Variants in ADAM32 observed in about 807,000 individuals in gnomAD.
The protein encoded by ADAM32 is disintegrin and metalloproteinase domain-containing protein 32.
A neutral mutation model predicts 114.9 loss-of-function variants in ADAM32; 89 were observed. That is an observed-to-expected ratio of 0.77 (90% CI 0.65 to 0.92). The LOEUF is 0.92. Ranked by LOEUF, ADAM32 falls within the 40% of genes least tolerant of loss-of-function variation. The pLI is 0.00. For missense variants in ADAM32, 870 were observed against 932.8 expected, an observed-to-expected ratio of 0.93 and a Z score of 0.88; for synonymous variants, 285 against 307.5, an observed-to-expected ratio of 0.93 and a Z score of 0.77.
intron 13 of ADAM32, among the ~76,000 whole-genome samples, chr8:39,222,546 G>T (rs990701554): frequency 2.6e-5 from 4 of 152,056 alleles, no homozygotes; most frequent in Admixed American, 2.6e-4. Flanking sequence ...GATTCTAGTT[G>T]TGTTCCTTCC....
At chr8:39,272,101 G>GAAAAAAAAAAAAAAAAAAAAAAAAAAA (rs11366445) in intron 20 of ADAM32, among the ~76,000 whole-genome samples, 3 of 65,810 alleles carry the variant, frequency 4.6e-5, no homozygotes, top group African/African-American at 6.0e-5. Context: ...GTGAGCTCCA[G>GAAAAAAAAAAAAAAAAAAAAAAAAAAA]AAAAAAAAAA....
Position 39,121,321 on chromosome 8 carries a change from G to A in ADAM32, c.138+3156G>A, listed in dbSNP as rs576139481. 2.1e-4 allele frequency among the ~76,000 whole-genome samples: 32 copies of A among 152,264 alleles called. No homozygotes were observed. In the South Asian group the frequency reaches 3.5e-3, roughly 17 times the overall value. ...CTTCTGGGATTCTACAGGATAGGAC[G>A]ATAGAGTTGTCTGGCTTCAAACATG... On this transcript the variant is annotated intron_variant, in intron 2 of 24. Coordinates refer to ENST00000379907, the MANE Select transcript of ADAM32 (RefSeq NM_145004.7).
chr8:39,127,256 CT>C (rs1802172722), intron 2 of ADAM32, among the ~76,000 whole-genome samples: 1 of 152,064 alleles, frequency 6.6e-6, no homozygotes, highest in Non-Finnish European at 1.5e-5. Flanking sequence ...ACCAGCTTTT[CT>C]TTGTCTTCTT....
chr8:39,235,980 A>G (rs1392865702), intron 16 of ADAM32, among the ~76,000 whole-genome samples: 4 of 152,220 alleles, frequency 2.6e-5, no homozygotes, highest in Non-Finnish European at 5.9e-5. Context: ...ACAAGCTCTA[A>G]TGTTACTTGC....
At chr8:39,176,857 A>C (rs1000572662) in intron 10 of ADAM32, among the ~76,000 whole-genome samples, 1 of 152,110 alleles carries the variant, frequency 6.6e-6, no homozygotes, top group East Asian at 1.9e-4. Context: ...CTGCTTTATG[A>C]ATCTGGGTAC....
chr8:39,249,929 G>A (rs759833195), intron 17 of ADAM32, among the ~76,000 whole-genome samples: 2 of 152,096 alleles, frequency 1.3e-5, no homozygotes, highest in African/African-American at 2.4e-5. Flanking sequence ...GGTTGCTGAA[G>A]AGAAGTCCAG....
At chr8:39,283,771 CT>C (rs373085019) in intron 24 of ADAM32, 147 bp downstream of exon 24, 20,898 of 240,308 alleles carry the variant, frequency 0.087, 81 homozygotes, top group East Asian at 0.14. Context: ...TTCTTTTATT[CT>C]TTTTTTTTTT....
In ADAM32 at chr8:39,157,655, T is replaced by A. The variant is rs956671286; in HGVS notation, c.526-3242T>A. ...AAAGGTAGTGTCAATGAACTTAAGG[T>A]CAGTCTTCTCCAGAGCCTGCTGCTT... On this transcript the variant is annotated intron_variant, in intron 6 of 24. Transcript: ENST00000379907. The A allele has an allele frequency of 4.4e-6, 3 of 674,196 alleles. No homozygotes were observed. In the African/African-American group the frequency reaches 5.4e-5, roughly 12 times the overall value. 41.8% of individuals were successfully genotyped at this position (674,196 alleles called of 1,614,324 possible). A position where few individuals can be genotyped will look rare whatever the true frequency, so the allele number is the denominator to read the frequency against.
At chr8:39,243,891 A>T (rs1302657676) in intron 16 of ADAM32, among the ~76,000 whole-genome samples, 1 of 152,102 alleles carries the variant, frequency 6.6e-6, no homozygotes, top group Non-Finnish European at 1.5e-5. Flanking sequence ...AACCCTAAAG[A>T]CTCATCAAAA....
In ADAM32 at chr8:39,223,057, T is replaced by C. The variant is rs771436773; in HGVS notation, c.1344T>C (p.Val448=). ...TCTCTTAGATTTTACAATCAGGCGT[T>C]GAATGTAGGCCGAAAGCACATCCTG... ...CKDCQILQSG[V]ECRPKAHPEC... is the part of the protein sequence containing the mutation. The change falls in exon 14 of 25, where the codon GTT becomes GTC. Residue 448 remains valine (V), a synonymous_variant. Coordinates refer to ENST00000379907, the MANE Select transcript of ADAM32 (RefSeq NM_145004.7). The C allele has an allele frequency of 6.3e-7, 1 of 1,585,616 alleles. No homozygotes were observed. Among genetic ancestry groups the C allele is most frequent in the Admixed American group, 1.8e-5 (1 of 55,278 alleles).
rs370289826 is a variant in ADAM32 at position 39,223,167 on chromosome 8, A to G, written c.1454A>G (p.Asn485Ser). The change falls in exon 14 of 25, where the codon AAT becomes AGT. Residue 485 changes from asparagine to serine, a missense_variant. Transcript: ENST00000379907. ...ITLINGLSCK[N>S]NKFICYDGDC... ...TTAATCAATGGACTTTCATGCAAAA[A>G]TAATAAGTTTATTTGTTATGACGGA... 2.2e-5 allele frequency: 35 copies of G among 1,601,252 alleles called. No individual in the cohort carries two copies. The highest frequency in any genetic ancestry group is 2.7e-5 in the Non-Finnish European group (32 of 1,174,226).
intron 12 of ADAM32, among the ~76,000 whole-genome samples, chr8:39,211,896 C>G (rs981606948): frequency 2.0e-5 from 3 of 152,166 alleles, no homozygotes; most frequent in Non-Finnish European, 4.4e-5. Context: ...TTATTAGGGT[C>G]TGTTACATCC....
chr8:39,121,086 T>A (rs1213028701), intron 2 of ADAM32, among the ~76,000 whole-genome samples: 2 of 152,246 alleles, frequency 1.3e-5, no homozygotes, highest in Admixed American at 1.3e-4. Context: ...ATTTTCAGCC[T>A]ACTTTGTATT....
At chr8:39,222,669 A>C (rs1260880647) in intron 13 of ADAM32, among the ~76,000 whole-genome samples, 1 of 152,132 alleles carries the variant, frequency 6.6e-6, no homozygotes, top group Non-Finnish European at 1.5e-5. Context: ...ACACTTAAAA[A>C]CCATGGCTTG....
At chr8:39,181,330 G>T (rs1277681776) in intron 10 of ADAM32, among the ~76,000 whole-genome samples, 2 of 152,170 alleles carry the variant, frequency 1.3e-5, no homozygotes, top group Admixed American at 1.3e-4. Flanking sequence ...CTTAAGAACT[G>T]TAACACTCAC....
At chr8:39,123,940 C>A (rs1297862650) in intron 2 of ADAM32, among the ~76,000 whole-genome samples, 3 of 151,834 alleles carry the variant, frequency 2.0e-5, no homozygotes, top group Admixed American at 6.6e-5. Flanking sequence ...GTCCTGACCT[C>A]AGGTGATCCA....
chr8:39,234,994 C>T (rs1245132381), intron 16 of ADAM32, among the ~76,000 whole-genome samples: 1 of 152,136 alleles, frequency 6.6e-6, no homozygotes, highest in African/African-American at 2.4e-5. Flanking sequence ...TCTTTCTCTC[C>T]TTCCCCCCGC....
At chr8:39,240,591 A>G (rs1164667771) in intron 16 of ADAM32, among the ~76,000 whole-genome samples, 2 of 152,234 alleles carry the variant, frequency 1.3e-5, no homozygotes, top group Non-Finnish European at 2.9e-5. Flanking sequence ...AATGAACTTA[A>G]AATTCCATGT....
At chr8:39,259,012 T>C (rs1348777441) in intron 19 of ADAM32, among the ~76,000 whole-genome samples, 2 of 152,154 alleles carry the variant, frequency 1.3e-5, no homozygotes, top group Non-Finnish European at 2.9e-5. Context: ...TTTCTCAATC[T>C]GTCTTTGCAT....
Sources: allele counts gnomAD v4.1 joint callset (sites outside exome capture counted in the v4.1 genomes callset), GRCh38; gene constraint gnomAD v4.1.1; transcripts MANE v1.5; gene names NCBI Gene and HGNC (gene_info 2026-07-23, HGNC 2026-07-21).